CA8: variants seen among roughly 807,000 people sequenced by gnomAD.
CA8 encodes carbonic anhydrase-related protein.
In CA8, 22 loss-of-function variants were observed where a neutral mutation model predicts 41.4. The observed-to-expected ratio is 0.53, with a 90% CI of 0.38 to 0.76. The LOEUF is 0.76. Ranked by LOEUF, CA8 falls within the 30% of genes least tolerant of loss-of-function variation. CA8 has a pLI of 0.00. For missense variants in CA8, 270 were observed against 352.8 expected, an observed-to-expected ratio of 0.77 and a Z score of 1.88; for synonymous variants, 121 against 130.6, an observed-to-expected ratio of 0.93 and a Z score of 0.50.
At chr8:60,264,423 T>C (rs7460905) in intron 3 of CA8, among the ~76,000 whole-genome samples, 9,467 of 152,304 alleles carry the variant, frequency 0.062, 382 homozygotes, top group Admixed American at 0.11. Context: ...GCCCCTCACT[T>C]TGTGACCCGC....
At position 60,186,064 on chromosome 8, in the gene CA8, G is replaced by T. The variant is rs1426335196; in HGVS notation, c.*3957C>A. Among the ~76,000 whole-genome samples, 1 of 151,980 alleles carries T rather than the reference G, an allele frequency of 6.6e-6. No individual in the cohort carries two copies. Among genetic ancestry groups the T allele is most frequent in the African/African-American group, 2.4e-5 (1 of 41,394 alleles). ...CTGGAGTAAGAAATCACACCAGATG[G>T]TGACTCAAATTTACAAGACAAAATG... On this transcript the variant is annotated 3_prime_UTR_variant, in exon 9 of 9. Transcript: ENST00000317995.
chr8:60,225,594 G>A (rs1417060212), intron 5 of CA8, among the ~76,000 whole-genome samples: 3 of 152,198 alleles, frequency 2.0e-5, no homozygotes, highest in Non-Finnish European at 4.4e-5. Flanking sequence ...GAGATCTTCA[G>A]TGGAGGTTCT....
intron 8 of CA8, among the ~76,000 whole-genome samples, chr8:60,191,429 T>C (rs1483792760): frequency 2.6e-5 from 4 of 152,068 alleles, no homozygotes; most frequent in Admixed American, 6.6e-5. Context: ...GTCCAGTGTT[T>C]CCCAAACTAT....
intron 3 of CA8, among the ~76,000 whole-genome samples, chr8:60,244,702 A>G (rs1295221845): frequency 6.6e-6 from 1 of 152,260 alleles, no homozygotes; most frequent in East Asian, 1.9e-4. Flanking sequence ...AAATCCAATT[A>G]CAATTCAAAC....
chr8:60,206,889 C>T (rs552286940), intron 8 of CA8, among the ~76,000 whole-genome samples: 21 of 152,000 alleles, frequency 1.4e-4, no homozygotes, highest in Non-Finnish European at 2.8e-4. Flanking sequence ...CATCTACTTG[C>T]TCCTTTCCCA....
chr8:60,277,902 G>T (rs1385181915), intron 2 of CA8, among the ~76,000 whole-genome samples: 4 of 152,156 alleles, frequency 2.6e-5, no homozygotes, highest in African/African-American at 9.7e-5. Context: ...ATCTGAAGGA[G>T]GAAGGTCTCC....
intron 5 of CA8, 21 bp downstream of exon 5, chr8:60,226,852 T>C: frequency 1.4e-6 from 2 of 1,455,344 alleles, no homozygotes; most frequent in Non-Finnish European, 1.9e-6. Context: ...TATTTCTATA[T>C]TATTTTAAAT....
intron 3 of CA8, among the ~76,000 whole-genome samples, chr8:60,259,799 G>C (rs1254899184): frequency 1.3e-5 from 2 of 150,866 alleles, no homozygotes; most frequent in Non-Finnish European, 2.9e-5. Flanking sequence ...CTTCTGGAGA[G>C]GCCACTGCAC....
In CA8 at chr8:60,208,871, C is replaced by A; in HGVS notation, c.787G>T (p.Val263Leu). 1 of 1,614,172 alleles carries A rather than the reference C, an allele frequency of 6.2e-7. No individual in the cohort carries two copies. Among genetic ancestry groups the A allele is most frequent in the African/African-American group, 1.3e-5 (1 of 75,052 alleles). ...CCCAAAATCCCATCACAGCCTTCCA[C>A]AAGTTCTGCCCCCTTAACATGTGTC... ...LRTHVKGAEL[V>L]EGCDGILGDN... The change falls in exon 8 of 9, where the codon GTG (valine) becomes TTG (leucine). Residue 263 changes from valine (V) to leucine (L), a missense_variant. Val to Leu is a conservative substitution (Grantham distance 32). Around this residue, in one of 3 missense-constraint regions of CA8, gnomAD observed 141 missense variants for 191.6 expected, o/e 0.74. Coordinates refer to ENST00000317995, the MANE Select transcript of CA8 (RefSeq NM_004056.6).
chr8:60,238,506 G>C (rs1807910045), intron 3 of CA8, among the ~76,000 whole-genome samples: 2 of 151,944 alleles, frequency 1.3e-5, no homozygotes, highest in African/African-American at 4.8e-5. Flanking sequence ...CCTCTTCAAA[G>C]GAGCTTCCCA....
chr8:60,233,115 A>T (rs921301409), intron 3 of CA8, among the ~76,000 whole-genome samples: 4 of 152,228 alleles, frequency 2.6e-5, no homozygotes, highest in Admixed American at 2.6e-4. Context: ...TCAATTCCTG[A>T]TTAAAAACCA....
chr8:60,226,336 G>A (rs1003206759), intron 5 of CA8, among the ~76,000 whole-genome samples: 10 of 151,952 alleles, frequency 6.6e-5, no homozygotes, highest in African/African-American at 2.4e-4. Context: ...TGCAGCCTTG[G>A]GCCATCCTGT....
At chr8:60,222,937 T>A (rs998015201) in intron 6 of CA8, among the ~76,000 whole-genome samples, 176 bp from the exon 7 acceptor site, 3 of 152,236 alleles carry the variant, frequency 2.0e-5, no homozygotes, top group African/African-American at 7.2e-5. Context: ...AAATAATTGA[T>A]AAAAAGCATG....
intron 5 of CA8, among the ~76,000 whole-genome samples, chr8:60,226,627 T>G (rs761469079): frequency 6.6e-6 from 1 of 152,190 alleles, no homozygotes; most frequent in African/African-American, 2.4e-5. Context: ...ATTAGGGGCA[T>G]CCTCAAGTGA....
chr8:60,215,890 A>G (rs535296140), intron 7 of CA8, among the ~76,000 whole-genome samples: 1 of 152,336 alleles, frequency 6.6e-6, no homozygotes, highest in East Asian at 1.9e-4. Context: ...TAGTGCCAAT[A>G]CTATTATCCT....
Position 60,186,692 on chromosome 8 carries a change from G to C in CA8, c.*3329C>G, listed in dbSNP as rs1180475825. Reference sequence around the variant, plus strand: ...ACTTTAGATTCAAAAATATAAATAAGTTGAAAGTGAAAAGATGAAAAAAGA... The same window carrying C: ...ACTTTAGATTCAAAAATATAAATAACTTGAAAGTGAAAAGATGAAAAAAGA... On this transcript the variant is annotated 3_prime_UTR_variant, in exon 9 of 9. Coordinates refer to ENST00000317995, the MANE Select transcript of CA8 (RefSeq NM_004056.6). Among the ~76,000 whole-genome samples, 1 of 151,530 alleles carries C rather than the reference G, an allele frequency of 6.6e-6. No individual in the cohort carries two copies. Among genetic ancestry groups the C allele is most frequent in the Admixed American group, 6.6e-5 (1 of 15,224 alleles).
chr8:60,200,354 C>T (rs1291600027), intron 8 of CA8, among the ~76,000 whole-genome samples: 1 of 152,108 alleles, frequency 6.6e-6, no homozygotes, highest in Admixed American at 6.5e-5. Flanking sequence ...TGGCTTCTAC[C>T]CCCAATAAGG....
intron 5 of CA8, among the ~76,000 whole-genome samples, chr8:60,225,122 T>A (rs1368984316): frequency 6.6e-6 from 1 of 152,098 alleles, no homozygotes; most frequent in Non-Finnish European, 1.5e-5. Flanking sequence ...ATGGAAATAT[T>A]CTGTTCCGAT....
At chr8:60,250,120 C>A (rs1313882730) in intron 3 of CA8, among the ~76,000 whole-genome samples, 1 of 152,132 alleles carries the variant, frequency 6.6e-6, no homozygotes, top group Non-Finnish European at 1.5e-5. Context: ...AACCGTTACC[C>A]CATGACATTG....
Sources: allele counts gnomAD v4.1 joint callset (sites outside exome capture counted in the v4.1 genomes callset), GRCh38; gene constraint gnomAD v4.1.1; regional missense constraint gnomAD v4.1.1; transcripts MANE v1.5; gene names NCBI Gene and HGNC (gene_info 2026-07-23, HGNC 2026-07-21).